Variants in UBE2E1 observed in about 807,000 individuals in gnomAD.
UBE2E1 encodes ubiquitin conjugating enzyme E2 E1, also known as ubiquitin-conjugating enzyme E2 E1.
In UBE2E1, 6 loss-of-function variants were observed where a neutral mutation model predicts 21.4. The observed-to-expected ratio is 0.28, with a 90% confidence interval of 0.15 to 0.55. The LOEUF is 0.55. Among genes scored for constraint, UBE2E1 ranks in the 20% least tolerant of loss-of-function variants. The pLI, the probability that UBE2E1 is intolerant of heterozygous loss-of-function variation, is 0.93. For synonymous variants in UBE2E1, 87 were observed against 82.7 expected, an observed-to-expected ratio of 1.05 and a Z score of -0.28; for missense variants, 142 against 236.5, an observed-to-expected ratio of 0.60 and a Z score of 2.62.
intron 3 of UBE2E1, among the ~76,000 whole-genome samples, chr3:23,820,117 C>T (rs556743322): frequency 1.3e-5 from 2 of 152,324 alleles, no homozygotes; most frequent in South Asian, 4.1e-4. Context: ...GTTGCTGGCA[C>T]CCGCCTGAGA....
intron 3 of UBE2E1, among the ~76,000 whole-genome samples, chr3:23,862,748 C>T (rs1202128841): frequency 2.0e-5 from 3 of 152,100 alleles, no homozygotes; most frequent in Non-Finnish European, 4.4e-5. Context: ...TTTTTTGAGA[C>T]AGAGTCTTGC....
intron 3 of UBE2E1, among the ~76,000 whole-genome samples, chr3:23,813,864 C>T (rs1210265738): frequency 6.6e-6 from 1 of 152,022 alleles, no homozygotes; most frequent in East Asian, 1.9e-4. Flanking sequence ...TTGAAGTCAG[C>T]GTCCAATGAA....
rs531959906 is a variant in UBE2E1, at chr3:23,876,270, G to A, written c.204-11297G>A. Reference sequence around the variant, plus strand: ...AGTTATTAGGACTATGGCAGTGGTCGCCCTGCTTTTTAATAGCACTTACAA... The same window carrying A: ...AGTTATTAGGACTATGGCAGTGGTCACCCTGCTTTTTAATAGCACTTACAA... On this transcript the variant is annotated intron_variant, in intron 3 of 5. Transcript: ENST00000306627. The surrounding 1 kb of genome is among the most constrained non-coding windows in gnomAD (Gnocchi z 4.3). Among the ~76,000 whole-genome samples, 2 of 152,142 alleles carry A rather than the reference G, an allele frequency of 1.3e-5. No homozygotes were observed. The highest frequency in any genetic ancestry group is 2.9e-5 in the Non-Finnish European group (2 of 68,018).
intron 3 of UBE2E1, among the ~76,000 whole-genome samples, chr3:23,874,698 T>C (rs1700878510): frequency 6.6e-6 from 1 of 152,190 alleles, no homozygotes; most frequent in African/African-American, 2.4e-5. Flanking sequence ...AACTCAGGCT[T>C]GTATAATTCC....
intron 3 of UBE2E1, among the ~76,000 whole-genome samples, chr3:23,883,457 C>T (rs1419324525): frequency 6.6e-6 from 1 of 152,166 alleles, no homozygotes; most frequent in Admixed American, 6.6e-5. Context: ...TGCCTGCCCA[C>T]TTTGTAGACC....
At chr3:23,839,939 T>G (rs920558467) in intron 3 of UBE2E1, among the ~76,000 whole-genome samples, 5 of 152,168 alleles carry the variant, frequency 3.3e-5, no homozygotes, top group Non-Finnish European at 5.9e-5. Flanking sequence ...TTTCTTGTGC[T>G]TGGTGTTTGT....
At chr3:23,815,621 G>A (rs1042505173) in intron 3 of UBE2E1, among the ~76,000 whole-genome samples, 2 of 152,122 alleles carry the variant, frequency 1.3e-5, no homozygotes, top group Admixed American at 6.5e-5. Flanking sequence ...GAAGTCCCAG[G>A]CTGCTCATCA....
chr3:23,849,752 T>C (rs1700283207), intron 3 of UBE2E1, among the ~76,000 whole-genome samples: 1 of 152,224 alleles, frequency 6.6e-6, no homozygotes, highest in Non-Finnish European at 1.5e-5. Flanking sequence ...TTATCCAGTC[T>C]ATCATTGATG....
At chr3:23,809,659 C>CT (rs1324930149) in intron 2 of UBE2E1, among the ~76,000 whole-genome samples, 2 of 152,126 alleles carry the variant, frequency 1.3e-5, no homozygotes, top group Non-Finnish European at 2.9e-5. Flanking sequence ...AAACAACTAC[C>CT]TTTTTTTGTG....
At chr3:23,885,752 C>G (rs1266798527) in intron 3 of UBE2E1, among the ~76,000 whole-genome samples, 2 of 152,086 alleles carry the variant, frequency 1.3e-5, no homozygotes, top group African/African-American at 4.8e-5. Flanking sequence ...CCCAGTTACT[C>G]AGGAGGCTGA....
chr3:23,869,629 C>T (rs1408709685), intron 3 of UBE2E1, among the ~76,000 whole-genome samples: 1 of 150,096 alleles, frequency 6.7e-6, no homozygotes, highest in Non-Finnish European at 1.5e-5. Context: ...TGGCTCATGC[C>T]TATAATCCCA....
chr3:23,882,851 G>C (rs1054765287), intron 3 of UBE2E1, among the ~76,000 whole-genome samples: 3 of 152,178 alleles, frequency 2.0e-5, no homozygotes, highest in African/African-American at 7.2e-5. Flanking sequence ...CCAAGTCCAC[G>C]CCCACCCGGA....
intron 5 of UBE2E1, chr3:23,889,500 G>C: frequency 7.3e-7 from 1 of 1,372,806 alleles, no homozygotes; most frequent in Non-Finnish European, 9.3e-7. Context: ...AGTTTGCCTT[G>C]GGCTTTTAGT....
At chr3:23,811,758 A>C (rs1405060647) in intron 3 of UBE2E1, among the ~76,000 whole-genome samples, 1 of 152,226 alleles carries the variant, frequency 6.6e-6, no homozygotes, top group African/African-American at 2.4e-5. Flanking sequence ...AACAAAACTA[A>C]AGTAAATTTA....
At chr3:23,862,248 C>T (rs1169221381) in intron 3 of UBE2E1, among the ~76,000 whole-genome samples, 1 of 152,198 alleles carries the variant, frequency 6.6e-6, no homozygotes, top group Non-Finnish European at 1.5e-5. Flanking sequence ...GTAAGGTCCT[C>T]TCTGCTCTGG....
chr3:23,886,353 T>C (rs1328952819), intron 3 of UBE2E1, among the ~76,000 whole-genome samples: 1 of 152,204 alleles, frequency 6.6e-6, no homozygotes, highest in African/African-American at 2.4e-5. Flanking sequence ...TTCTCTCACT[T>C]AATTCTGAAA....
chr3:23,844,005 G>A (rs540479737), intron 3 of UBE2E1, among the ~76,000 whole-genome samples: 22 of 152,200 alleles, frequency 1.4e-4, no homozygotes, highest in African/African-American at 5.3e-4. Context: ...TCCACCATGT[G>A]TAATTTTTTA....
chr3:23,823,003 C>T lies in UBE2E1; in HGVS notation c.203+11493C>T, dbSNP rs112117746. On this transcript the variant is annotated intron_variant, in intron 3 of 5. Coordinates refer to ENST00000306627, the MANE Select transcript of UBE2E1 (RefSeq NM_003341.5). The surrounding 1 kb of genome is among the most constrained non-coding windows in gnomAD (Gnocchi z 4.2). Reference sequence around the variant, plus strand: ...CTGGGGTTACAGGCATGTGCCACCACGCCCAGCTAATTTTTGTATTTTTAG... The same window carrying T: ...CTGGGGTTACAGGCATGTGCCACCATGCCCAGCTAATTTTTGTATTTTTAG... Among the ~76,000 whole-genome samples, 3 of 152,066 alleles carry T rather than the reference C, an allele frequency of 2.0e-5. No individual in the cohort carries two copies. Among genetic ancestry groups the T allele is most frequent in the Non-Finnish European group, 4.4e-5 (3 of 67,992 alleles).
At position 23,868,620 on chromosome 3, in the gene UBE2E1, C is replaced by T. The variant is rs115757163; in HGVS notation, c.204-18947C>T. 3.9e-3 allele frequency among the ~76,000 whole-genome samples: 600 copies of T among 152,204 alleles called. 5 individuals carry two copies. Among genetic ancestry groups the T allele is most frequent in the African/African-American group, 0.013 (538 of 41,536 alleles). ...CCATGCCTGGCCACTTTTACTTTCTCTTATTACTTTACTTTCTACATTAAT... is the reference window on the plus strand; with the variant it reads ...CCATGCCTGGCCACTTTTACTTTCTTTTATTACTTTACTTTCTACATTAAT... On this transcript the variant is annotated intron_variant, in intron 3 of 5. Coordinates refer to ENST00000306627, the MANE Select transcript of UBE2E1 (RefSeq NM_003341.5).
Sources: allele counts gnomAD v4.1 joint callset (sites outside exome capture counted in the v4.1 genomes callset), GRCh38; gene constraint gnomAD v4.1.1; non-coding constraint Gnocchi (gnomAD v3.1); transcripts MANE v1.5; gene names NCBI Gene and HGNC (gene_info 2026-07-23, HGNC 2026-07-21).